PTPRG: variants seen among roughly 807,000 people sequenced by gnomAD.
The protein encoded by PTPRG is receptor-type tyrosine-protein phosphatase gamma.
In PTPRG, 102 loss-of-function variants were observed where a neutral mutation model predicts 165.3. That is an observed-to-expected ratio of 0.62 (90% CI 0.53 to 0.73). The LOEUF (loss-of-function observed/expected upper bound fraction) is 0.73. PTPRG is among the 30% of genes least tolerant of loss of function. The probability of loss-of-function intolerance (pLI) is 0.00; values close to 1 mark genes in which losing one functional copy is unlikely to be tolerated. For synonymous variants in PTPRG, 675 were observed against 669.5 expected (o/e 1.01, Z -0.13); for missense variants, 1,866 against 1,861.4 (o/e 1.00, Z -0.05).
intron 5 of PTPRG, among the ~76,000 whole-genome samples, chr3:62,086,336 G>GGA (rs370089417): frequency 6.7e-5 from 10 of 149,812 alleles, no homozygotes; most frequent in Admixed American, 1.3e-4. Flanking sequence ...CTTTAACTCT[G>GGA]GAGAGAGAGA....
chr3:61,707,080 G>A, intron 1 of PTPRG, among the ~76,000 whole-genome samples: 1 of 152,000 alleles, frequency 6.6e-6, no homozygotes, highest in Non-Finnish European at 1.5e-5. Flanking sequence ...CTTTATTGTT[G>A]TTATAATAAC....
chr3:62,272,863 G>T, intron 21 of PTPRG, 83 bp from the exon 22 acceptor site: 1 of 1,345,852 alleles, frequency 7.4e-7, no homozygotes, highest in East Asian at 2.7e-5. Flanking sequence ...AAAATAAATG[G>T]GGTTTAGATT....
At chr3:62,272,484 A>G (rs1702097782) in intron 21 of PTPRG, among the ~76,000 whole-genome samples, 2 of 152,198 alleles carry the variant, frequency 1.3e-5, no homozygotes, top group South Asian at 4.1e-4. Flanking sequence ...ACTCAAATAC[A>G]TGTCGCTTGT....
intron 2 of PTPRG, among the ~76,000 whole-genome samples, chr3:61,880,994 T>G (rs1243777977): frequency 6.6e-6 from 1 of 151,878 alleles, no homozygotes; most frequent in Non-Finnish European, 1.5e-5. Flanking sequence ...CCCCTATTAA[T>G]CTTCATTCCA....
chr3:62,109,337 C>T (rs971514450), intron 5 of PTPRG, among the ~76,000 whole-genome samples: 9 of 152,094 alleles, frequency 5.9e-5, no homozygotes, highest in Non-Finnish European at 1.2e-4. Context: ...TCAGGTTTGT[C>T]AAAGATCAGA....
At chr3:61,717,706 T>C in intron 1 of PTPRG, among the ~76,000 whole-genome samples, 1 of 151,940 alleles carries the variant, frequency 6.6e-6, no homozygotes, top group East Asian at 1.9e-4. Context: ...GGAGAATCAT[T>C]TGAACCTGGG....
chr3:61,762,668 T>G (rs2033891893), intron 2 of PTPRG, among the ~76,000 whole-genome samples: 1 of 152,158 alleles, frequency 6.6e-6, no homozygotes, highest in Non-Finnish European at 1.5e-5. Context: ...TTCTCCTAAA[T>G]TCCCACGGAA....
intron 4 of PTPRG, among the ~76,000 whole-genome samples, chr3:62,023,135 A>G (rs2041736480): frequency 6.6e-6 from 1 of 152,228 alleles, no homozygotes; most frequent in Non-Finnish European, 1.5e-5. Context: ...GAAAAAAACA[A>G]TAATGCTAAC....
At chr3:61,820,574 C>A (rs970795529) in intron 2 of PTPRG, among the ~76,000 whole-genome samples, 2 of 147,760 alleles carry the variant, frequency 1.4e-5, no homozygotes, top group East Asian at 2.0e-4. Flanking sequence ...AAAACACTCC[C>A]CTTTTTAATT....
At chr3:61,869,843 C>T (rs912896841) in intron 2 of PTPRG, among the ~76,000 whole-genome samples, 3 of 152,052 alleles carry the variant, frequency 2.0e-5, no homozygotes, top group Admixed American at 6.6e-5. Context: ...TTAAGCGATC[C>T]ACCCGCCTAA....
At chr3:61,719,560 A>T (rs1264129955) in intron 1 of PTPRG, among the ~76,000 whole-genome samples, 1 of 152,126 alleles carries the variant, frequency 6.6e-6, no homozygotes, top group Non-Finnish European at 1.5e-5. Context: ...AGAGAAAGGG[A>T]ACAGGGAGAA....
chr3:62,229,882 A>G lies in PTPRG; in HGVS notation c.2289-1343A>G, dbSNP rs926045762. Among the ~76,000 whole-genome samples, 38 of 152,224 alleles carry G rather than the reference A, an allele frequency of 2.5e-4. 1 individual carries two copies. Among genetic ancestry groups the G allele is most frequent in the African/African-American group, 9.2e-4 (38 of 41,460 alleles). ...GCCGGCTCTGCTCCAAAATTCCTGAAAGAGTGAATCTGGCAGAATTCAGAG... is the reference window on the plus strand; with the variant it reads ...GCCGGCTCTGCTCCAAAATTCCTGAGAGAGTGAATCTGGCAGAATTCAGAG... On this transcript the variant is annotated intron_variant, in intron 13 of 29. Coordinates refer to ENST00000474889, the MANE Select transcript of PTPRG (RefSeq NM_002841.4). The surrounding 1 kb of genome is among the most constrained non-coding windows in gnomAD (Gnocchi z 4.6).
chr3:61,869,556 ACCCTC>A (rs777017270), intron 2 of PTPRG, among the ~76,000 whole-genome samples: 5 of 142,428 alleles, frequency 3.5e-5, no homozygotes, highest in South Asian at 2.3e-4. Context: ...CCATTCATTA[ACCCTC>A]CCCTCCCCTC....
At chr3:62,078,629 A>G (rs967859917) in intron 5 of PTPRG, among the ~76,000 whole-genome samples, 1 of 152,184 alleles carries the variant, frequency 6.6e-6, no homozygotes, top group Non-Finnish European at 1.5e-5. Flanking sequence ...ACTTGCAAGT[A>G]AGTTAATAAA....
rs151084780 is a variant in PTPRG, at chr3:61,613,378, C to T, written c.85+51006C>T. ...CTTCAATATTTAGGTATTAATATTC[C>T]CTTGTGGCTCAATCAGCTCTTTGAA... On this transcript the variant is annotated intron_variant, in intron 1 of 29. Coordinates refer to ENST00000474889, the MANE Select transcript of PTPRG (RefSeq NM_002841.4). 5.0e-3 allele frequency among the ~76,000 whole-genome samples: 765 copies of T among 152,192 alleles called. 6 individuals are homozygous for T. Among genetic ancestry groups the T allele is most frequent in the African/African-American group, 0.017 (725 of 41,528 alleles).
chr3:61,789,785 T>C (rs1430283253), intron 2 of PTPRG, among the ~76,000 whole-genome samples: 2 of 152,244 alleles, frequency 1.3e-5, no homozygotes, highest in Non-Finnish European at 2.9e-5. Context: ...CTTACTGCTT[T>C]GGAGGTACTT....
At chr3:62,110,460 C>T (rs1702629733) in intron 5 of PTPRG, among the ~76,000 whole-genome samples, 1 of 151,926 alleles carries the variant, frequency 6.6e-6, no homozygotes, top group Admixed American at 6.6e-5. Context: ...TCTTATGCTT[C>T]CATAATATGA....
At chr3:61,795,447 C>T (rs1434916321) in intron 2 of PTPRG, among the ~76,000 whole-genome samples, 2 of 151,808 alleles carry the variant, frequency 1.3e-5, no homozygotes, top group East Asian at 1.9e-4. Context: ...CAAGACCAGC[C>T]TGACAAACAT....
intron 14 of PTPRG, among the ~76,000 whole-genome samples, chr3:62,236,928 C>T (rs536919660): frequency 6.6e-6 from 1 of 152,228 alleles, no homozygotes; most frequent in South Asian, 2.1e-4. Context: ...ACCTCAGGAA[C>T]CCCTTTTTCC....
Sources: allele counts gnomAD v4.1 joint callset (sites outside exome capture counted in the v4.1 genomes callset), GRCh38; gene constraint gnomAD v4.1.1; non-coding constraint Gnocchi (gnomAD v3.1); transcripts MANE v1.5; gene names NCBI Gene and HGNC (gene_info 2026-07-23, HGNC 2026-07-21).